ERBB4: variants seen among roughly 807,000 people sequenced by gnomAD.
ERBB4 encodes the protein receptor tyrosine-protein kinase erbB-4.
ERBB4 carries 42 observed loss-of-function variants against 158.0 expected under a neutral mutation model. The ratio of observed to expected loss-of-function variants is 0.27; its 90% CI spans 0.21 to 0.34. The LOEUF (loss-of-function observed/expected upper bound fraction) is 0.34. ERBB4 is among the 10% of genes least tolerant of loss of function. The pLI is 1.00. For synonymous variants in ERBB4, 583 were observed against 558.7 expected (o/e 1.04, Z -0.61); for missense variants, 1,333 against 1,624.1 (o/e 0.82, Z 3.08).
chr2:211,583,325 A>G (rs944413939), intron 19 of ERBB4, among the ~76,000 whole-genome samples: 5 of 152,002 alleles, frequency 3.3e-5, no homozygotes. Context: ...CAGATAAAAA[A>G]CATTGTTATT....
chr2:212,437,481 A>T (rs1034948443), intron 1 of ERBB4, among the ~76,000 whole-genome samples: 11 of 130,446 alleles, frequency 8.4e-5, no homozygotes, highest in African/African-American at 3.2e-4. Flanking sequence ...ACTTATATTC[A>T]TGTTCTGATA....
chr2:211,629,290 T>A (rs1295521360), intron 17 of ERBB4, among the ~76,000 whole-genome samples: 2 of 152,058 alleles, frequency 1.3e-5, no homozygotes, highest in East Asian at 3.9e-4. Flanking sequence ...GGAACTCCCA[T>A]TCACAATTGC....
At chr2:211,889,306 C>G (rs1222479121) in intron 3 of ERBB4, among the ~76,000 whole-genome samples, 2 of 144,964 alleles carry the variant, frequency 1.4e-5, no homozygotes, top group Admixed American at 1.3e-4. Flanking sequence ...CCTCACACGG[C>G]AGGGTATTCC....
chr2:212,345,265 C>CAAAAAAAACA (rs2088936356), intron 1 of ERBB4, among the ~76,000 whole-genome samples: 1 of 77,718 alleles, frequency 1.3e-5, no homozygotes, highest in Admixed American at 1.3e-4. Context: ...GACTCCGTCT[C>CAAAAAAAACA]AAAAAAAAAA....
chr2:212,022,296 T>C (rs929149868), intron 2 of ERBB4, among the ~76,000 whole-genome samples: 1 of 152,156 alleles, frequency 6.6e-6, no homozygotes, highest in Non-Finnish European at 1.5e-5. Flanking sequence ...TGCCCATCAA[T>C]GATAGACTGG....
At chr2:211,640,753 G>A (rs2125893174) in intron 16 of ERBB4, among the ~76,000 whole-genome samples, 1 of 152,262 alleles carries the variant, frequency 6.6e-6, no homozygotes, top group South Asian at 2.1e-4. Context: ...TGTTTTAAAA[G>A]TCCTCATGAG....
intron 2 of ERBB4, among the ~76,000 whole-genome samples, chr2:211,985,366 C>G (rs2081912757): frequency 6.6e-6 from 1 of 152,106 alleles, no homozygotes; most frequent in African/African-American, 2.4e-5. Context: ...ACTATCGAAT[C>G]ATTAGATTTT....
At chr2:211,468,115 C>T (rs145138896) in intron 20 of ERBB4, among the ~76,000 whole-genome samples, 110 of 152,084 alleles carry the variant, frequency 7.2e-4, no homozygotes, top group Non-Finnish European at 1.3e-3. Context: ...CACTCTACAA[C>T]GGTCACCTTT....
intron 3 of ERBB4, among the ~76,000 whole-genome samples, chr2:211,934,778 C>T (rs1360346105): frequency 1.3e-5 from 2 of 151,604 alleles, no homozygotes; most frequent in Admixed American, 6.6e-5. Flanking sequence ...ATTTTAGTTC[C>T]CTGTGTCTGT....
At chr2:211,557,155 A>G (rs564971611) in intron 20 of ERBB4, among the ~76,000 whole-genome samples, 163 of 152,312 alleles carry the variant, frequency 1.1e-3, no homozygotes, top group African/African-American at 3.7e-3. Flanking sequence ...CCAAAACTAT[A>G]AAAACCATGG....
At position 212,048,872 on chromosome 2, in the gene ERBB4, C is replaced by T. The variant is rs187761007; in HGVS notation, c.234+75880G>A. 5.9e-5 allele frequency among the ~76,000 whole-genome samples: 9 copies of T among 152,190 alleles called. 1 individual carries two copies. The South Asian group carries it at 1.0e-3, about 18-fold the overall frequency. On this transcript the variant is annotated intron_variant, in intron 2 of 27. Coordinates refer to ENST00000342788, the MANE Select transcript of ERBB4 (RefSeq NM_005235.3). ...AGAAAAAATATTCCCCTTAAGCATTCGAACATGGAATAAATAAGGAGAGGA... is the reference window on the plus strand; with the variant it reads ...AGAAAAAATATTCCCCTTAAGCATTTGAACATGGAATAAATAAGGAGAGGA...
chr2:212,438,032 C>T (rs946143248), intron 1 of ERBB4, among the ~76,000 whole-genome samples: 1 of 151,994 alleles, frequency 6.6e-6, no homozygotes, highest in East Asian at 1.9e-4. Flanking sequence ...TGTATCTGTT[C>T]GCACATGTTT....
chr2:212,103,449 A>T (rs1246741388), intron 2 of ERBB4, among the ~76,000 whole-genome samples: 3 of 152,244 alleles, frequency 2.0e-5, no homozygotes, highest in East Asian at 3.9e-4. Context: ...TATTATTTTT[A>T]AAAATGCAAT....
At chr2:212,187,929 T>C (rs2082063764) in intron 1 of ERBB4, among the ~76,000 whole-genome samples, 1 of 152,204 alleles carries the variant, frequency 6.6e-6, no homozygotes, top group South Asian at 2.1e-4. Flanking sequence ...CCAATTTTAA[T>C]GCGTTGACAG....
chr2:211,565,029 A>C (rs2125729914), intron 19 of ERBB4, among the ~76,000 whole-genome samples: 1 of 152,328 alleles, frequency 6.6e-6, no homozygotes, highest in Admixed American at 6.5e-5. Context: ...AGACTCAGAA[A>C]GGTGAGGAGC....
rs530756498 is a variant in ERBB4, at chr2:211,566,015, G to A, written c.2302-3927C>T. 1.4e-4 allele frequency among the ~76,000 whole-genome samples: 21 copies of A among 152,304 alleles called. No individual in the cohort carries two copies. The South Asian group carries it at 3.7e-3, about 27-fold the overall frequency. ...CAGAGACCAGTTTCTATGCTTTCTT[G>A]CTGAGCCCACCAGGACTGCAACAAG... On this transcript the variant is annotated intron_variant, in intron 19 of 27. Transcript: ENST00000342788.
chr2:212,305,398 ATTC>A (rs2086774983), intron 1 of ERBB4, among the ~76,000 whole-genome samples: 1 of 151,398 alleles, frequency 6.6e-6, no homozygotes, highest in Non-Finnish European at 1.5e-5. Flanking sequence ...TTTTATGAGT[ATTC>A]TTCTAAAAAT....
intron 1 of ERBB4, among the ~76,000 whole-genome samples, chr2:212,375,154 T>C (rs1463457235): frequency 6.6e-6 from 1 of 151,942 alleles, no homozygotes; most frequent in Non-Finnish European, 1.5e-5. Context: ...ATAGAACACA[T>C]AACCAAGCCA....
chr2:212,051,557 C>T (rs1245158928), intron 2 of ERBB4, among the ~76,000 whole-genome samples: 7 of 151,996 alleles, frequency 4.6e-5, no homozygotes, highest in African/African-American at 1.4e-4. Context: ...GGAACTCAAA[C>T]GAGAAAGCAA....
Sources: gnomAD v4.1 joint callset for allele counts (sites outside exome capture counted in the v4.1 genomes callset) on GRCh38, gnomAD v4.1.1 for gene constraint, MANE v1.5 for transcripts, NCBI Gene and HGNC (gene_info 2026-07-23, HGNC 2026-07-21) for gene names.